The following CELF2 variants were observed in gnomAD, a reference collection of about 807,000 sequenced individuals.
The protein encoded by CELF2 is CUGBP Elav-like family member 2, also known as CUG triplet repeat RNA-binding protein 2.
CELF2 carries 8 observed loss-of-function variants against 62.6 expected under a neutral mutation model. The ratio of observed to expected loss-of-function variants is 0.13; its 90% CI spans 0.07 to 0.23. The LOEUF (loss-of-function observed/expected upper bound fraction) is 0.23. Among genes scored for constraint, CELF2 ranks in the 10% least tolerant of loss-of-function variants. The pLI, the probability that CELF2 is intolerant of heterozygous loss-of-function variation, is 1.00. For synonymous variants in CELF2, 258 were observed against 250.0 expected (o/e 1.03, Z -0.30); for missense variants, 333 against 671.0 (o/e 0.50, Z 5.56).
chr10:10,776,966 A>C, the CELF2 span, among the ~76,000 whole-genome samples: 22 of 152,288 alleles, frequency 1.4e-4, no homozygotes, highest in Non-Finnish European at 2.8e-4. Flanking sequence ...CATTCGGCCA[A>C]TCACTCACTC....
intron 2 of CELF2, among the ~76,000 whole-genome samples, chr10:10,981,796 C>T (rs1181576962): frequency 6.6e-6 from 1 of 152,110 alleles, no homozygotes; most frequent in Non-Finnish European, 1.5e-5. Flanking sequence ...TTCCTCTACT[C>T]AATTAGGCAG....
At chr10:10,667,128 T>C in the CELF2 span, among the ~76,000 whole-genome samples, 3 of 152,176 alleles carry the variant, frequency 2.0e-5, no homozygotes, top group East Asian at 5.8e-4. Context: ...TATTTTAAGA[T>C]GTCAGGGCTG....
intron 1 of CELF2, among the ~76,000 whole-genome samples, chr10:11,052,494 C>T (rs181653764): frequency 3.9e-5 from 6 of 152,226 alleles, no homozygotes; most frequent in African/African-American, 9.6e-5. Flanking sequence ...CATTGTTGCA[C>T]GGTCCTTGGG....
At position 11,145,010 on chromosome 10, in the gene CELF2, G is replaced by A. The variant is rs1367868734; in HGVS notation, c.75-20476G>A. On this transcript the variant is annotated intron_variant, in intron 1 of 12. Coordinates refer to ENST00000633077, the MANE Select transcript of CELF2 (RefSeq NM_001326342.2). This position sits in a 1 kb window ranked among gnomAD's most constrained non-coding sequence, Gnocchi z 4.3. ...CTTTCTTGTTTATTTCTGTGTCGAA[G>A]GCAAGGCAGCTTAATAGAATTTGAA... 6.6e-6 allele frequency among the ~76,000 whole-genome samples: 1 copy of A among 151,812 alleles called. No individual in the cohort carries two copies. Among genetic ancestry groups the A allele is most frequent in the Non-Finnish European group, 1.5e-5 (1 of 67,996 alleles).
chr10:10,882,632 G>C (rs2061506080), intron 1 of CELF2, among the ~76,000 whole-genome samples: 1 of 152,126 alleles, frequency 6.6e-6, no homozygotes, highest in African/African-American at 2.4e-5. Context: ...TCATTGATGA[G>C]AGAACCTCTC....
At chr10:11,221,263 G>A (rs1253236695) in intron 3 of CELF2, among the ~76,000 whole-genome samples, 1 of 152,218 alleles carries the variant, frequency 6.6e-6, no homozygotes, top group East Asian at 1.9e-4. Context: ...CTTCTTGAGG[G>A]TTTTATCTAG....
chr10:10,683,464 A>G, the CELF2 span, among the ~76,000 whole-genome samples: 1 of 152,174 alleles, frequency 6.6e-6, no homozygotes, highest in African/African-American at 2.4e-5. Context: ...GTTTTAATCC[A>G]ATTACCAGCC....
At chr10:11,205,209 AG>A (rs2135423152) in intron 2 of CELF2, among the ~76,000 whole-genome samples, 1 of 152,344 alleles carries the variant, frequency 6.6e-6, no homozygotes, top group South Asian at 2.1e-4. Flanking sequence ...GCCCTATTAA[AG>A]GGCTCGTGGT....
chr10:11,293,863 T>C (rs1047340265), intron 9 of CELF2, among the ~76,000 whole-genome samples: 4 of 152,182 alleles, frequency 2.6e-5, no homozygotes, highest in Non-Finnish European at 2.9e-5. Context: ...AAGGGCCATC[T>C]GTTCAGTCTA....
chr10:10,925,625 G>C (rs904644641), intron 2 of CELF2, among the ~76,000 whole-genome samples: 1 of 152,142 alleles, frequency 6.6e-6, no homozygotes, highest in African/African-American at 2.4e-5. Context: ...AGATGGGCTA[G>C]TTCTGATCAG....
intron 9 of CELF2, among the ~76,000 whole-genome samples, chr10:11,295,555 T>A (rs1049953830): frequency 5.9e-5 from 9 of 152,228 alleles, no homozygotes; most frequent in Non-Finnish European, 1.0e-4. Context: ...TCTTTCTGTG[T>A]GTTTGGTGCA....
chr10:11,193,407 C>G (rs138200581), intron 2 of CELF2, among the ~76,000 whole-genome samples: 1 of 152,286 alleles, frequency 6.6e-6, no homozygotes, highest in East Asian at 1.9e-4. Flanking sequence ...AAAGTTTCAC[C>G]GTGACAAGTG....
At chr10:10,475,868 A>G in the CELF2 span, among the ~76,000 whole-genome samples, 1 of 151,910 alleles carries the variant, frequency 6.6e-6, no homozygotes, top group Middle Eastern at 3.2e-3. Flanking sequence ...TCTTCCTTTT[A>G]TTATTTTCTG....
the CELF2 span, among the ~76,000 whole-genome samples, chr10:10,611,535 G>A: frequency 6.6e-6 from 1 of 152,140 alleles, no homozygotes; most frequent in African/African-American, 2.4e-5. Flanking sequence ...TGCCATATTT[G>A]TAACAAAACG....
the CELF2 span, among the ~76,000 whole-genome samples, chr10:10,489,284 G>T: frequency 6.6e-6 from 1 of 152,056 alleles, no homozygotes; most frequent in African/African-American, 2.4e-5. Flanking sequence ...TGTTAGTCCT[G>T]TCGTCACCTT....
the CELF2 span, among the ~76,000 whole-genome samples, chr10:10,758,897 A>T: frequency 5.9e-5 from 9 of 152,178 alleles, no homozygotes; most frequent in African/African-American, 1.9e-4. Context: ...AGATCAATAC[A>T]ATGTGTCTTC....
At chr10:10,840,509 T>C (rs1293031918) in intron 1 of CELF2, among the ~76,000 whole-genome samples, 1 of 152,246 alleles carries the variant, frequency 6.6e-6, no homozygotes, top group Non-Finnish European at 1.5e-5. Context: ...ATGTATCTTC[T>C]TTGATATCAT....
At chr10:10,740,727 C>G in the CELF2 span, among the ~76,000 whole-genome samples, 1 of 152,206 alleles carries the variant, frequency 6.6e-6, no homozygotes, top group Non-Finnish European at 1.5e-5. Flanking sequence ...ATATATCATA[C>G]ACACTCAATG....
chr10:10,858,941 G>A (rs956920111), intron 1 of CELF2, among the ~76,000 whole-genome samples: 1 of 152,140 alleles, frequency 6.6e-6, no homozygotes, highest in African/African-American at 2.4e-5. Context: ...CTAGGACAGT[G>A]TGGTCTCTTT....
Sources: gnomAD v4.1 joint callset for allele counts (sites outside exome capture counted in the v4.1 genomes callset) on GRCh38, gnomAD v4.1.1 for gene constraint, Gnocchi (gnomAD v3.1) non-coding constraint, MANE v1.5 for transcripts, NCBI Gene and HGNC (gene_info 2026-07-23, HGNC 2026-07-21) for gene names.